TMEM236: variants seen among roughly 807,000 people sequenced by gnomAD.
TMEM236 encodes the protein family with sequence similarity 23, member A.
TMEM236 carries 11 observed loss-of-function variants against 14.7 expected under a neutral mutation model. That is an observed-to-expected ratio of 0.75 (90% CI 0.47 to 1.24). TMEM236 has a LOEUF of 1.24. TMEM236 is among the 50% of genes most tolerant of loss of function. The pLI, the probability that TMEM236 is intolerant of heterozygous loss-of-function variation, is 0.00. For synonymous variants in TMEM236, 182 were observed against 168.6 expected, an observed-to-expected ratio of 1.08 and a Z score of -0.62; for missense variants, 464 against 427.3, an observed-to-expected ratio of 1.09 and a Z score of -0.76.
rs1488232859 is a variant in TMEM236, at chr10:17,796,655, T to G, written c.*151T>G. ...ATTTTTACTAACTCTAGCATATCAG[T>G]TTTTTTTTTTACATATACAAATGGT... On this transcript the variant is annotated 3_prime_UTR_variant, in exon 4 of 4. Coordinates refer to ENST00000377495, the MANE Select transcript of TMEM236 (RefSeq NM_001098844.3). 6 of 450,170 alleles carry G rather than the reference T, an allele frequency of 1.3e-5. No individual in the cohort carries two copies. The African/African-American group carries it at 2.0e-4, about 15-fold the overall frequency. The allele number at this position is 450,170 out of a possible 1,614,324, so 27.9% of individuals were successfully genotyped here.
chr10:17,768,085 GGTTTT>G lies in TMEM236; in HGVS notation c.258-3223_258-3219del, dbSNP rs1196742056. ...ACCACCACACCTCGCTAATTTTTGT[GGTTTT>G]TTTTTTTTTTTTTTTTTTGTAGAGA... On this transcript the variant is annotated intron_variant, in intron 1 of 3. Coordinates refer to ENST00000377495, the MANE Select transcript of TMEM236 (RefSeq NM_001098844.3). 4.9e-3 allele frequency among the ~76,000 whole-genome samples: 485 copies of G among 98,816 alleles called. 19 individuals carry two copies. In the Middle Eastern group the frequency reaches 0.096, roughly 20 times the overall value. The allele number at this position is 98,816 out of a possible 152,430, so 64.8% of individuals were successfully genotyped here.
intron 1 of TMEM236, among the ~76,000 whole-genome samples, chr10:17,755,358 A>G (rs1435638806): frequency 1.3e-5 from 2 of 152,152 alleles, no homozygotes; most frequent in African/African-American, 4.8e-5. Context: ...AGACTCTGCA[A>G]TAGAGCTAGA....
chr10:17,757,441 A>T (rs927630603), intron 1 of TMEM236, among the ~76,000 whole-genome samples: 10 of 151,754 alleles, frequency 6.6e-5, no homozygotes, highest in Admixed American at 2.0e-4. Flanking sequence ...CTACAAAAAA[A>T]TTAAAAAATT....
chr10:17,766,868 A>C (rs1269828388), intron 1 of TMEM236, among the ~76,000 whole-genome samples: 1 of 151,872 alleles, frequency 6.6e-6, no homozygotes, highest in Non-Finnish European at 1.5e-5. Context: ...TTTTTTTGGC[A>C]ATCTTTGATG....
At chr10:17,778,673 G>T (rs1837696871) in intron 3 of TMEM236, among the ~76,000 whole-genome samples, 1 of 152,172 alleles carries the variant, frequency 6.6e-6, no homozygotes, top group African/African-American at 2.4e-5. Flanking sequence ...ATACATGTCT[G>T]TCAGCTAGCA....
intron 1 of TMEM236, 68 bp downstream of exon 1, chr10:17,752,620 G>A (rs1219237969): frequency 1.5e-5 from 22 of 1,501,916 alleles, no homozygotes; most frequent in South Asian, 4.5e-5. Context: ...AGGCTGGAGT[G>A]CAGTAGGGCA....
In TMEM236 at chr10:17,797,837, A is replaced by T. The variant is rs1838042123; in HGVS notation, c.*1333A>T. On this transcript the variant is annotated 3_prime_UTR_variant, in exon 4 of 4. Transcript: ENST00000377495. ...AGGTACATCAGTAATACCAAGATAA[A>T]GTTTCATAATAAAAAGCCATAAAGT... 2 of 152,244 alleles carry T rather than the reference A, an allele frequency of 1.3e-5. No individual in the cohort carries two copies. Among genetic ancestry groups the T allele is most frequent in the Non-Finnish European group, 2.9e-5 (2 of 68,092 alleles). 9.4% of individuals were successfully genotyped at this position (152,244 alleles called of 1,614,324 possible). A position where few individuals can be genotyped will look rare whatever the true frequency, so the allele number is the denominator to read the frequency against.
rs578206209 is a variant in TMEM236, at chr10:17,768,874, G to T, written c.258-2435G>T. On this transcript the variant is annotated intron_variant, in intron 1 of 3. Coordinates refer to ENST00000377495, the MANE Select transcript of TMEM236 (RefSeq NM_001098844.3). ...GTTTCAGTTTTCTTCTAATTACATT[G>T]TGTGTTCATCAAAGATTTTTTTAAA... Among the ~76,000 whole-genome samples, 905 of 152,170 alleles carry T rather than the reference G, an allele frequency of 5.9e-3. 7 individuals are homozygous for T. Among genetic ancestry groups the T allele is most frequent in the Admixed American group, 0.011 (161 of 15,276 alleles).
chr10:17,791,760 C>G (rs976851108), intron 3 of TMEM236, among the ~76,000 whole-genome samples: 2 of 152,206 alleles, frequency 1.3e-5, no homozygotes, highest in South Asian at 4.1e-4. Flanking sequence ...AGGTCTCAGA[C>G]GAGCCTCCTT....
intron 3 of TMEM236, among the ~76,000 whole-genome samples, chr10:17,778,002 G>T (rs1395582490): frequency 1.3e-5 from 2 of 152,204 alleles, no homozygotes; most frequent in African/African-American, 2.4e-5. Context: ...GCCTCCCAAA[G>T]TGCTGGGATT....
At chr10:17,793,905 T>C (rs1233705438) in intron 3 of TMEM236, among the ~76,000 whole-genome samples, 3 of 152,216 alleles carry the variant, frequency 2.0e-5, no homozygotes, top group Non-Finnish European at 2.9e-5. Context: ...TCCCTTACTT[T>C]AGTATTATTT....
intron 1 of TMEM236, among the ~76,000 whole-genome samples, chr10:17,765,673 C>T (rs1342517707): frequency 3.3e-5 from 5 of 152,162 alleles, no homozygotes; most frequent in East Asian, 1.9e-4. Context: ...AGGAAAATCC[C>T]GTTAGCTTTT....
At chr10:17,761,443 A>G (rs1006465674) in intron 1 of TMEM236, among the ~76,000 whole-genome samples, 3 of 152,126 alleles carry the variant, frequency 2.0e-5, no homozygotes, top group African/African-American at 4.8e-5. Context: ...CTGTAATCCT[A>G]GCACTTTGGG....
At chr10:17,791,291 TAA>T (rs561313552) in intron 3 of TMEM236, among the ~76,000 whole-genome samples, 577 of 142,388 alleles carry the variant, frequency 4.1e-3, no homozygotes, top group African/African-American at 6.0e-3. Context: ...CTATAAAAAG[TAA>T]AAAAAAAAAA....
chr10:17,761,481 TCTGGAGTTCAAAACCAGC>T, intron 1 of TMEM236, among the ~76,000 whole-genome samples: 1 of 152,100 alleles, frequency 6.6e-6, no homozygotes, highest in Non-Finnish European at 1.5e-5. Flanking sequence ...TCACTTGAGG[TCTGGAGTTCAAAACCAGC>T]CTGGCCAACA....
chr10:17,794,634 C>T (rs1256240487), intron 3 of TMEM236, among the ~76,000 whole-genome samples: 4 of 152,158 alleles, frequency 2.6e-5, no homozygotes, highest in Non-Finnish European at 4.4e-5. Context: ...AGAAGAGATG[C>T]TTTAGGTTAA....
At chr10:17,761,266 A>G (rs1213319783) in intron 1 of TMEM236, among the ~76,000 whole-genome samples, 1 of 152,190 alleles carries the variant, frequency 6.6e-6, no homozygotes, top group Non-Finnish European at 1.5e-5. Flanking sequence ...GTTCAAGGAA[A>G]AATGAAGACC....
At position 17,771,290 on chromosome 10, in the gene TMEM236, A is replaced by AT. The variant is rs781785311; in HGVS notation, c.258-13dup. On this transcript the variant is annotated intron_variant, in intron 1 of 3. Coordinates refer to ENST00000377495, the MANE Select transcript of TMEM236 (RefSeq NM_001098844.3). ...ATCTTGTCCATGATTGCTTTGGCTT[A>AT]TTTTTTCTCCTTTGCTAGGAGACCT... 1.2e-6 allele frequency: 2 copies of AT among 1,612,880 alleles called. No individual in the cohort carries two copies. Among genetic ancestry groups the AT allele is most frequent in the East Asian group, 2.2e-5 (1 of 44,854 alleles).
intron 1 of TMEM236, among the ~76,000 whole-genome samples, chr10:17,753,216 G>T (rs1358545219): frequency 6.6e-6 from 1 of 152,124 alleles, no homozygotes; most frequent in African/African-American, 2.4e-5. Flanking sequence ...CCTTAGCAGG[G>T]AATCCCCGTG....
Sources: allele counts gnomAD v4.1 joint callset (sites outside exome capture counted in the v4.1 genomes callset), GRCh38; gene constraint gnomAD v4.1.1; transcripts MANE v1.5; gene names NCBI Gene and HGNC (gene_info 2026-07-23, HGNC 2026-07-21).